KRAS: variants seen among roughly 807,000 people sequenced by gnomAD.
The protein encoded by KRAS is GTPase KRas.
Under a neutral mutation model 21.0 loss-of-function variants are expected in KRAS, and 1 was observed. That is an observed-to-expected ratio of 0.05 (90% CI 0.02 to 0.23). The LOEUF is 0.23. KRAS is among the 10% of genes least tolerant of loss of function. The pLI, the probability that KRAS is intolerant of heterozygous loss-of-function variation, is 1.00. For synonymous variants in KRAS, 67 were observed against 72.5 expected (o/e 0.92, Z 0.39); for missense variants, 107 against 221.8 (o/e 0.48, Z 3.29).
chr12:25,206,111 GAAAA>G lies in KRAS; in HGVS notation c.*3680_*3683del. ...CTGTTTGAAGAAAAAATGTTTAGAA[GAAAA>G]AAAAAATCAATGGAATACAAATGAG... On this transcript the variant is annotated 3_prime_UTR_variant, in exon 5 of 5. Coordinates refer to ENST00000311936, the MANE Select transcript of KRAS (RefSeq NM_004985.5). The G allele has an allele frequency of 4.8e-6, 1 of 206,806 alleles. No homozygotes were observed. The highest frequency in any genetic ancestry group is 9.7e-6 in the Non-Finnish European group (1 of 102,634). 12.8% of individuals were successfully genotyped at this position (206,806 alleles called of 1,614,324 possible). A position where few individuals can be genotyped will look rare whatever the true frequency, so the allele number is the denominator to read the frequency against.
chr12:25,218,023 T>C (rs1455506982), intron 4 of KRAS, among the ~76,000 whole-genome samples: 1 of 152,206 alleles, frequency 6.6e-6, no homozygotes, highest in Non-Finnish European at 1.5e-5. Flanking sequence ...GCAACATAAA[T>C]AATTTAAGGC....
chr12:25,206,126 T>C lies in KRAS; in HGVS notation c.*3669A>G, dbSNP rs572120169. On this transcript the variant is annotated 3_prime_UTR_variant, in exon 5 of 5. Transcript: ENST00000311936. ...ATGTTTAGAAGAAAAAAAAAATCAA[T>C]GGAATACAAATGAGATGAACTTGTG... The C allele has an allele frequency of 9.8e-5, 21 of 215,366 alleles. No individual in the cohort carries two copies. Among genetic ancestry groups the C allele is most frequent in the African/African-American group, 4.3e-4 (19 of 44,358 alleles). 13.3% of individuals were successfully genotyped at this position (215,366 alleles called of 1,614,324 possible). A position where few individuals can be genotyped will look rare whatever the true frequency, so the allele number is the denominator to read the frequency against.
At chr12:25,230,084 T>C in intron 2 of KRAS, among the ~76,000 whole-genome samples, 1 of 152,128 alleles carries the variant, frequency 6.6e-6, no homozygotes, top group East Asian at 1.9e-4. Context: ...TAAAGTATGT[T>C]TAGTTTATGA....
At chr12:25,238,133 C>T (rs1325943067) in intron 2 of KRAS, among the ~76,000 whole-genome samples, 1 of 152,108 alleles carries the variant, frequency 6.6e-6, no homozygotes, top group African/African-American at 2.4e-5. Context: ...ATGCTGGATA[C>T]TTAAAATTAT....
chr12:25,224,209 A>G (rs1328176709), intron 4 of KRAS, among the ~76,000 whole-genome samples: 1 of 137,254 alleles, frequency 7.3e-6, no homozygotes, highest in Non-Finnish European at 1.6e-5. Flanking sequence ...AAAAAAAAAA[A>G]GTTAACTATA....
At chr12:25,232,085 GA>G (rs942023936) in intron 2 of KRAS, among the ~76,000 whole-genome samples, 4 of 151,930 alleles carry the variant, frequency 2.6e-5, no homozygotes, top group South Asian at 2.1e-4. Context: ...ATTTGGTTGG[GA>G]AAAAAACGTG....
chr12:25,205,459 A>G lies in KRAS; in HGVS notation c.*4336T>C, dbSNP rs761075971. 2 of 215,688 alleles carry G rather than the reference A, an allele frequency of 9.3e-6. No homozygotes were observed. Among genetic ancestry groups the G allele is most frequent in the Non-Finnish European group, 1.9e-5 (2 of 106,738 alleles). 13.4% of individuals were successfully genotyped at this position (215,688 alleles called of 1,614,324 possible). On this transcript the variant is annotated 3_prime_UTR_variant, in exon 5 of 5. Transcript: ENST00000311936. The stretch of plus-strand genomic sequence containing the variant: ...ATGGAAAACAACTGGATCACACTGC[A>G]TATGTCCCACAAAAGAAAGCACAAT...
chr12:25,222,088 G>T (rs1480074834), intron 4 of KRAS, among the ~76,000 whole-genome samples: 2 of 151,140 alleles, frequency 1.3e-5, no homozygotes, highest in Non-Finnish European at 2.9e-5. Flanking sequence ...GGCGGAGCCT[G>T]CAGTGAGCCA....
At chr12:25,247,311 T>C (rs908677671) in intron 1 of KRAS, among the ~76,000 whole-genome samples, 12 of 152,192 alleles carry the variant, frequency 7.9e-5, no homozygotes, top group Non-Finnish European at 1.8e-4. Context: ...TCCCAAATGA[T>C]AACATACTAA....
At chr12:25,245,153 A>G in intron 2 of KRAS, 121 bp downstream of exon 2, 1 of 1,094,324 alleles carries the variant, frequency 9.1e-7, no homozygotes, top group Non-Finnish European at 1.4e-6. Flanking sequence ...TACATTTCAG[A>G]TAACTTAACT....
intron 4 of KRAS, among the ~76,000 whole-genome samples, chr12:25,214,957 G>A (rs1208805985): frequency 6.6e-6 from 1 of 151,986 alleles, no homozygotes. Context: ...CTGAGATGGC[G>A]AACTTAGGCA....
chr12:25,232,202 T>C (rs1020058706), intron 2 of KRAS, among the ~76,000 whole-genome samples: 30 of 152,306 alleles, frequency 2.0e-4, no homozygotes, highest in African/African-American at 7.2e-4. Context: ...TTCAAAAAAT[T>C]TAGAGTCTAA....
intron 2 of KRAS, among the ~76,000 whole-genome samples, chr12:25,235,770 G>C (rs373237641): frequency 1.6e-4 from 25 of 152,100 alleles, no homozygotes; most frequent in African/African-American, 5.6e-4. Context: ...CTTTAGCTTA[G>C]AACAGCGGTC....
intron 2 of KRAS, 136 bp downstream of exon 2, chr12:25,245,138 C>T: frequency 1.0e-6 from 1 of 965,874 alleles, no homozygotes; most frequent in East Asian, 2.6e-5. Context: ...ACTTGAAACC[C>T]AAGGTACATT....
intron 4 of KRAS, among the ~76,000 whole-genome samples, chr12:25,219,031 C>T (rs974582021): frequency 4.6e-5 from 7 of 151,706 alleles, no homozygotes; most frequent in African/African-American, 1.7e-4. Context: ...CCGCCACCTC[C>T]GGGTTCAAGC....
intron 4 of KRAS, among the ~76,000 whole-genome samples, chr12:25,215,968 A>G (rs1487533305): frequency 8.5e-5 from 13 of 152,116 alleles, no homozygotes; most frequent in Non-Finnish European, 4.4e-5. Context: ...CGATTCCCAC[A>G]CCCTCCTCCA....
intron 3 of KRAS, 37 bp from the exon 4 acceptor site, chr12:25,225,810 T>C: frequency 6.3e-7 from 1 of 1,579,074 alleles, no homozygotes; most frequent in Non-Finnish European, 8.7e-7. Context: ...CAGTCATTAG[T>C]AACACAAATA....
intron 1 of KRAS, among the ~76,000 whole-genome samples, chr12:25,249,692 G>GTGC (rs772232855): frequency 8.6e-5 from 13 of 150,552 alleles, no homozygotes; most frequent in Admixed American, 3.3e-4. Context: ...AATCATGTAA[G>GTGC]TGCTGTTTTG....
At chr12:25,233,332 C>T (rs141590138) in intron 2 of KRAS, among the ~76,000 whole-genome samples, 1 of 152,188 alleles carries the variant, frequency 6.6e-6, no homozygotes, top group South Asian at 2.1e-4. Context: ...AGGTGGATCA[C>T]CTGAGGTCAA....
Sources: allele counts gnomAD v4.1 joint callset (sites outside exome capture counted in the v4.1 genomes callset), GRCh38; gene constraint gnomAD v4.1.1; transcripts MANE v1.5; gene names NCBI Gene and HGNC (gene_info 2026-07-23, HGNC 2026-07-21).